Variants in ARHGAP24 observed in about 807,000 individuals in gnomAD.
The protein encoded by ARHGAP24 is rho GTPase-activating protein 24.
In ARHGAP24, 50 loss-of-function variants were observed where a neutral mutation model predicts 76.4. The observed-to-expected ratio is 0.65, with a 90% confidence interval of 0.52 to 0.83. ARHGAP24 has a LOEUF of 0.83. Ranked by LOEUF, ARHGAP24 falls within the 40% of genes least tolerant of loss-of-function variation. The pLI is 0.00. For synonymous variants in ARHGAP24, 345 were observed against 323.3 expected, an observed-to-expected ratio of 1.07 and a Z score of -0.72; for missense variants, 930 against 914.2, an observed-to-expected ratio of 1.02 and a Z score of -0.22.
At chr4:85,810,123 T>C (rs181718768) in intron 3 of ARHGAP24, among the ~76,000 whole-genome samples, 1 of 152,364 alleles carries the variant, frequency 6.6e-6, no homozygotes, top group Non-Finnish European at 1.5e-5. Flanking sequence ...AAATGCTAGA[T>C]GTTACACAAG....
rs1657116058 is a variant in ARHGAP24, at chr4:85,782,630, G to C, written c.268+60658G>C. Among the ~76,000 whole-genome samples the C allele has an allele frequency of 2.0e-5, 3 of 152,184 alleles. No homozygotes were observed. The South Asian group carries it at 6.2e-4, about 31-fold the overall frequency. On this transcript the variant is annotated intron_variant, in intron 3 of 9. Transcript: ENST00000395184. ...TTTTGATTGTGTTCAGGGAAGAGAA[G>C]ATATTGAGATTTCTGAAGTTGTTGA...
intron 4 of ARHGAP24, chr4:85,930,485 C>T: frequency 1.0e-6 from 1 of 990,820 alleles, no homozygotes; most frequent in East Asian, 1.1e-4. Context: ...GACTTTTTGT[C>T]ATTGTTCCTC....
intron 3 of ARHGAP24, among the ~76,000 whole-genome samples, chr4:85,885,359 T>C (rs1020292233): frequency 1.3e-5 from 2 of 152,120 alleles, no homozygotes; most frequent in African/African-American, 4.8e-5. Context: ...TGTTTTTTAA[T>C]TGTGCTTTTC....
intron 4 of ARHGAP24, 72 bp from the exon 5 acceptor site, chr4:85,941,994 A>G: frequency 6.7e-7 from 1 of 1,482,630 alleles, no homozygotes; most frequent in South Asian, 1.2e-5. Flanking sequence ...GTTATATTGA[A>G]TTAAAACAAC....
intron 1 of ARHGAP24, among the ~76,000 whole-genome samples, chr4:85,484,540 G>A (rs1003450917): frequency 6.6e-6 from 1 of 151,994 alleles, no homozygotes; most frequent in Non-Finnish European, 1.5e-5. Context: ...TTGATTGTAC[G>A]TCATTACTTA....
At chr4:85,868,503 C>T (rs1427218587) in intron 3 of ARHGAP24, among the ~76,000 whole-genome samples, 1 of 152,108 alleles carries the variant, frequency 6.6e-6, no homozygotes, top group African/African-American at 2.4e-5. Context: ...GAAGCTGGAA[C>T]ACTTTGAGTA....
At chr4:85,942,420 T>C in intron 5 of ARHGAP24, 147 bp downstream of exon 5, 1 of 982,792 alleles carries the variant, frequency 1.0e-6, no homozygotes, top group South Asian at 1.5e-5. Context: ...GCATTGTTTC[T>C]ATTAAGTTAC....
intron 3 of ARHGAP24, among the ~76,000 whole-genome samples, chr4:85,829,324 G>A (rs985843859): frequency 2.0e-5 from 3 of 152,062 alleles, no homozygotes; most frequent in Non-Finnish European, 4.4e-5. Flanking sequence ...AATTAACAAA[G>A]AACATATAAT....
chr4:85,499,811 T>C (rs1723731089), intron 1 of ARHGAP24, among the ~76,000 whole-genome samples: 1 of 152,230 alleles, frequency 6.6e-6, no homozygotes, highest in African/African-American at 2.4e-5. Flanking sequence ...GCATTGAGGT[T>C]AGTATGAATG....
At chr4:85,494,506 G>A (rs1314497411) in intron 1 of ARHGAP24, among the ~76,000 whole-genome samples, 1 of 151,968 alleles carries the variant, frequency 6.6e-6, no homozygotes, top group Non-Finnish European at 1.5e-5. Context: ...CCAACATGGT[G>A]AAACCACGTC....
At chr4:85,977,772 G>A in intron 8 of ARHGAP24, 81 bp downstream of exon 8, 1 of 1,533,622 alleles carries the variant, frequency 6.5e-7, no homozygotes, top group African/African-American at 1.4e-5. Flanking sequence ...TCATCTCTGA[G>A]CAAACCAAGG....
chr4:85,995,791 C>T, intron 9 of ARHGAP24, 134 bp downstream of exon 9: 1 of 881,630 alleles, frequency 1.1e-6, no homozygotes, highest in Non-Finnish European at 1.8e-6. Context: ...CATTTATGAG[C>T]TTTGTGACTG....
intron 2 of ARHGAP24, among the ~76,000 whole-genome samples, chr4:85,601,529 C>G (rs1381861556): frequency 1.3e-5 from 2 of 152,088 alleles, no homozygotes; most frequent in Admixed American, 6.6e-5. Flanking sequence ...TCCCTGGCTT[C>G]TACGCGCTAG....
At chr4:85,733,820 A>G (rs1046650373) in intron 3 of ARHGAP24, among the ~76,000 whole-genome samples, 5 of 152,170 alleles carry the variant, frequency 3.3e-5, no homozygotes, top group African/African-American at 1.2e-4. Context: ...CTCATTTTAA[A>G]TTAATTACCT....
intron 3 of ARHGAP24, among the ~76,000 whole-genome samples, chr4:85,723,003 G>A (rs528879755): frequency 6.6e-6 from 1 of 152,320 alleles, no homozygotes; most frequent in South Asian, 2.1e-4. Flanking sequence ...TGCAGCTGAA[G>A]TGCAGAAAGG....
intron 3 of ARHGAP24, among the ~76,000 whole-genome samples, chr4:85,797,366 G>C (rs1478936649): frequency 6.6e-6 from 1 of 152,014 alleles, no homozygotes; most frequent in Non-Finnish European, 1.5e-5. Context: ...GTAGAGACAG[G>C]ATTTCACCGT....
intron 3 of ARHGAP24, among the ~76,000 whole-genome samples, chr4:85,830,653 T>C (rs1249865944): frequency 1.3e-5 from 2 of 152,242 alleles, no homozygotes; most frequent in Admixed American, 6.5e-5. Flanking sequence ...GATAATATAA[T>C]GGGCACTCAC....
chr4:85,765,232 A>G (rs1182386943), intron 3 of ARHGAP24, among the ~76,000 whole-genome samples: 8 of 152,192 alleles, frequency 5.3e-5, no homozygotes, highest in Non-Finnish European at 1.2e-4. Flanking sequence ...TTAACGTAAT[A>G]TGGTAAGCCT....
chr4:85,719,518 G>A (rs1724851890), intron 2 of ARHGAP24, among the ~76,000 whole-genome samples: 1 of 152,206 alleles, frequency 6.6e-6, no homozygotes, highest in Admixed American at 6.5e-5. Flanking sequence ...TGAAAATTGA[G>A]TAAAATACTA....
Sources: allele counts gnomAD v4.1 joint callset (sites outside exome capture counted in the v4.1 genomes callset), GRCh38; gene constraint gnomAD v4.1.1; transcripts MANE v1.5; gene names NCBI Gene and HGNC (gene_info 2026-07-23, HGNC 2026-07-21).